Variants in DNAH17 observed in about 807,000 individuals in gnomAD.
DNAH17 encodes dynein axonemal heavy chain 17.
In DNAH17, 376 loss-of-function variants were observed where a neutral mutation model predicts 485.6. The observed-to-expected ratio is 0.77, with a 90% confidence interval of 0.71 to 0.84. The LOEUF is 0.84. Among genes scored for constraint, DNAH17 ranks in the 40% least tolerant of loss-of-function variants. The pLI is 0.00. For synonymous variants in DNAH17, 3,031 were observed against 2,405.9 expected (o/e 1.26, Z -7.60); for missense variants, 6,370 against 5,839.3 (o/e 1.09, Z -2.96).
intron 74 of DNAH17, among the ~76,000 whole-genome samples, chr17:78,435,495 G>A (rs1047979448): frequency 3.3e-5 from 5 of 152,156 alleles, no homozygotes; most frequent in Admixed American, 1.3e-4. Flanking sequence ...CCCAACCAGA[G>A]ATGGGATGAG....
chr17:78,554,492 T>C (rs2091978632), intron 14 of DNAH17, among the ~76,000 whole-genome samples: 1 of 148,282 alleles, frequency 6.7e-6, no homozygotes, highest in Non-Finnish European at 1.5e-5. Context: ...TATATAGTTT[T>C]GTTCTAGTTT....
intron 17 of DNAH17, among the ~76,000 whole-genome samples, chr17:78,542,618 G>A (rs1208513644): frequency 2.6e-5 from 4 of 152,172 alleles, no homozygotes; most frequent in East Asian, 1.9e-4. Context: ...AAAGCACCCA[G>A]GAATGCCAGT....
chr17:78,479,222 G>C, intron 50 of DNAH17, 106 bp from the exon 51 acceptor site: 3 of 1,187,400 alleles, frequency 2.5e-6, no homozygotes, highest in Non-Finnish European at 3.6e-6. Flanking sequence ...GTGACAACTG[G>C]AGTAAGAAAT....
Position 78,505,418 on chromosome 17 carries a change from C to T in DNAH17, c.4831G>A (p.Asp1611Asn), listed in dbSNP as rs748678130. The T allele has an allele frequency of 8.7e-6, 14 of 1,613,802 alleles. No individual in the cohort carries two copies. The highest frequency in any genetic ancestry group is 1.7e-5 in the Admixed American group (1 of 59,996). Residue 1611 changes from aspartate to asparagine, a missense_variant, in exon 31 of 81, where the codon GAT (aspartate) becomes AAT (asparagine). Physicochemically the swap from Asp to Asn is conservative, Grantham distance 23. Transcript: ENST00000389840. Reference sequence around the variant, plus strand: ...CGGAACTTCAGTTTACACAGGCTATCGAAGAGTTTGGACAGGTGGCGGCTC... The same window carrying T: ...CGGAACTTCAGTTTACACAGGCTATTGAAGAGTTTGGACAGGTGGCGGCTC... ...EVSRHLSKLF[D>N]SLCKLKFRLD...
chr17:78,572,290 C>T (rs1031950976), intron 3 of DNAH17, among the ~76,000 whole-genome samples: 1 of 152,036 alleles, frequency 6.6e-6, no homozygotes, highest in Non-Finnish European at 1.5e-5. Flanking sequence ...AGCCTCTACA[C>T]AGACTTGCAT....
At position 78,429,288 on chromosome 17, in the gene DNAH17, C is replaced by A; in HGVS notation, c.12238G>T (p.Asp4080Tyr). The A allele has an allele frequency of 6.2e-7, 1 of 1,613,490 alleles. No individual in the cohort carries two copies. Among genetic ancestry groups the A allele is most frequent in the South Asian group, 1.1e-5 (1 of 91,054 alleles). Reference protein sequence around the residue: ...LEANPKVPWDDLRYLFGEIMY... With the variant: ...LEANPKVPWDYLRYLFGEIMY... ...ATTTCACCAAAAAGGTAGCGGAGATCGTCCCAGGGCACCTGAGGAAGGATG... is the reference window on the plus strand; with the variant it reads ...ATTTCACCAAAAAGGTAGCGGAGATAGTCCCAGGGCACCTGAGGAAGGATG... Residue 4080 changes from aspartate (D) to tyrosine (Y), a missense_variant, in exon 76 of 81, where the codon GAT becomes TAT. By Grantham distance (160) the Asp-to-Tyr change is radical. Transcript: ENST00000389840.
chr17:78,478,158 T>C (rs953344392), intron 51 of DNAH17, among the ~76,000 whole-genome samples: 2 of 137,284 alleles, frequency 1.5e-5, no homozygotes, highest in Non-Finnish European at 1.6e-5. Context: ...TCATCACCAT[T>C]ACCACCATAA....
intron 45 of DNAH17, 35 bp from the exon 46 acceptor site, chr17:78,486,168 C>A (rs1254091821): frequency 6.2e-7 from 1 of 1,604,248 alleles, no homozygotes; most frequent in East Asian, 2.2e-5. Flanking sequence ...CAGGGCCCAG[C>A]TAAGCAGGAT....
In DNAH17 at chr17:78,444,760, CTG is replaced by C; in HGVS notation, c.11370_11371del (p.Asp3790GlufsTer2). The C allele has an allele frequency of 6.3e-7, 1 of 1,594,224 alleles. No homozygotes were observed. The highest frequency in any genetic ancestry group is 8.5e-7 in the Non-Finnish European group (1 of 1,172,060). On this transcript the variant is annotated frameshift_variant, in exon 71 of 81. Coordinates refer to ENST00000389840, the MANE Select transcript of DNAH17 (RefSeq NM_173628.4). LOFTEE classifies it high-confidence loss of function. ...GCGCTTGGCAGATCCTTCGATGTCA[CTG>C]TCCAGATTTTTGAACTCATCCATCT...
rs1188052090 is a variant in DNAH17 at position 78,570,264 on chromosome 17, T to G, written c.1027A>C (p.Asn343His). ...AGGGTTACCATCTCGATGATTTGGT[T>G]GCAGAACTCCTGCAGGATGACGATG... The part of the protein sequence containing the change: ...RIIVILQEFC[N>H]QIIEMTRTFL... The change falls in exon 7 of 81, where the codon AAC becomes CAC. Residue 343 changes from asparagine to histidine, a missense_variant. By Grantham distance (68) the Asn-to-His change is moderately conservative. Coordinates refer to ENST00000389840, the MANE Select transcript of DNAH17 (RefSeq NM_173628.4). 1.3e-6 allele frequency: 2 copies of G among 1,589,486 alleles called. No individual in the cohort carries two copies.
chr17:78,424,225 G>C, intron 80 of DNAH17, 72 bp from the exon 81 acceptor site: 1 of 1,531,690 alleles, frequency 6.5e-7, no homozygotes. Context: ...GGAAGGGTGG[G>C]GTCCTCACAC....
rs772551942 is a variant in DNAH17 at position 78,502,726 on chromosome 17, C to A, written c.5083-28G>T. On this transcript the variant is annotated intron_variant, in intron 32 of 80. Transcript: ENST00000389840. ...GAAAGTACATACCCCCCATTGCCCACGCAGTGAGCGATCGCTGGCGCCTGC... is the reference window on the plus strand; with the variant it reads ...GAAAGTACATACCCCCCATTGCCCAAGCAGTGAGCGATCGCTGGCGCCTGC... 5.6e-6 allele frequency: 9 copies of A among 1,603,172 alleles called. No individual in the cohort carries two copies. In the Admixed American group the frequency reaches 1.4e-4, roughly 25 times the overall value.
At chr17:78,484,082 C>T (rs1292021636) in intron 48 of DNAH17, among the ~76,000 whole-genome samples, 2 of 102,168 alleles carry the variant, frequency 2.0e-5, no homozygotes, top group Non-Finnish European at 3.5e-5. Flanking sequence ...AGAGACAGAG[C>T]GAGATTTCTC....
intron 32 of DNAH17, 74 bp downstream of exon 32, chr17:78,502,812 G>C: frequency 6.3e-7 from 1 of 1,592,034 alleles, no homozygotes; most frequent in South Asian, 1.1e-5. Flanking sequence ...GTTAACAGCG[G>C]AGCCCATGAA....
At chr17:78,494,197 G>T in intron 40 of DNAH17, 24 bp from the exon 41 acceptor site, 1 of 1,597,492 alleles carries the variant, frequency 6.3e-7, no homozygotes, top group Non-Finnish European at 8.6e-7. Context: ...GATGAGGCTG[G>T]GTGAGGAACT....
chr17:78,558,804 A>G (rs1174128210), intron 13 of DNAH17, among the ~76,000 whole-genome samples: 3 of 152,184 alleles, frequency 2.0e-5, no homozygotes, highest in Non-Finnish European at 4.4e-5. Context: ...CCCGAGATCA[A>G]CAACAGGGAC....
chr17:78,544,048 C>G, intron 16 of DNAH17, 51 bp from the exon 17 acceptor site: 2 of 1,611,676 alleles, frequency 1.2e-6, no homozygotes, highest in East Asian at 2.2e-5. Flanking sequence ...AAACTGCTTT[C>G]AGTCGCAGTC....
intron 68 of DNAH17, 151 bp from the exon 69 acceptor site, chr17:78,449,735 T>C: frequency 1.3e-6 from 1 of 748,916 alleles, no homozygotes; most frequent in Non-Finnish European, 2.1e-6. Flanking sequence ...TGGAGTGCAG[T>C]GGCGTGATCT....
chr17:78,480,091 G>A (rs1433969125), intron 49 of DNAH17, among the ~76,000 whole-genome samples: 1 of 128,814 alleles, frequency 7.8e-6, no homozygotes, highest in African/African-American at 2.9e-5. Flanking sequence ...ACTCCCACCT[G>A]TAATCCCAGC....
Sources: gnomAD v4.1 joint callset for allele counts (sites outside exome capture counted in the v4.1 genomes callset) on GRCh38, gnomAD v4.1.1 for gene constraint, MANE v1.5 for transcripts, NCBI Gene and HGNC (gene_info 2026-07-23, HGNC 2026-07-21) for gene names.